Variants in TRAF3 observed in about 807,000 individuals in gnomAD.
TRAF3 encodes the protein TNF receptor-associated factor 3.
Under a neutral mutation model 62.3 loss-of-function variants are expected in TRAF3, and 13 were observed. That is an observed-to-expected ratio of 0.21 (90% CI 0.14 to 0.33). The LOEUF is 0.33. Among genes scored for constraint, TRAF3 ranks in the 10% least tolerant of loss-of-function variants. The probability of loss-of-function intolerance (pLI) is 1.00; values close to 1 mark genes in which losing one functional copy is unlikely to be tolerated. For synonymous variants in TRAF3, 269 were observed against 283.4 expected (o/e 0.95, Z 0.51); for missense variants, 440 against 741.8 (o/e 0.59, Z 4.73).
intron 1 of TRAF3, among the ~76,000 whole-genome samples, chr14:102,784,559 G>A (rs1248274151): frequency 1.3e-5 from 2 of 152,130 alleles, no homozygotes. Flanking sequence ...GGTCAATTGA[G>A]AATTATTGAA....
At chr14:102,823,745 A>C (rs1900116955) in intron 1 of TRAF3, among the ~76,000 whole-genome samples, 1 of 152,182 alleles carries the variant, frequency 6.6e-6, no homozygotes, top group Non-Finnish European at 1.5e-5. Context: ...ACTTTATTGA[A>C]ATCGTCACAT....
intron 6 of TRAF3, among the ~76,000 whole-genome samples, chr14:102,880,169 G>GT (rs1468792000): frequency 1.3e-5 from 2 of 152,224 alleles, no homozygotes; most frequent in African/African-American, 2.4e-5. Context: ...TAGCAGTAGT[G>GT]TTTTTTTGGA....
chr14:102,885,420 T>C (rs1198562321), intron 6 of TRAF3, among the ~76,000 whole-genome samples: 1 of 152,168 alleles, frequency 6.6e-6, no homozygotes, highest in Non-Finnish European at 1.5e-5. Context: ...TCAGCGTGGC[T>C]CCATCTCTGG....
At chr14:102,862,631 G>A (rs1887747556) in intron 2 of TRAF3, among the ~76,000 whole-genome samples, 2 of 151,958 alleles carry the variant, frequency 1.3e-5, no homozygotes, top group Non-Finnish European at 2.9e-5. Context: ...CGAGCTTCCT[G>A]GTTATGCAGA....
rs1889595610 is a variant in TRAF3 at position 102,889,599 on chromosome 14, A to G, written c.691A>G (p.Thr231Ala). ...HLSECVNAPS[T>A]CSFKRYGCVF... ...GTCAGAGTGTGTCAATGCCCCCAGC[A>G]CCTGTAGTTTTAAGCGCTATGGCTG... is the stretch of plus-strand genomic sequence containing the variant. Residue 231 changes from threonine to alanine, a missense_variant, in exon 8 of 12, where the codon ACC becomes GCC. This residue lies in a region of TRAF3 where 255 missense variants were observed against 424.1 expected (regional missense o/e 0.60). Transcript: ENST00000392745. 1.9e-6 allele frequency: 3 copies of G among 1,614,110 alleles called. No individual in the cohort carries two copies. Among genetic ancestry groups the G allele is most frequent in the Non-Finnish European group, 2.5e-6 (3 of 1,180,056 alleles).
chr14:102,910,047 A>C lies in TRAF3; in HGVS notation c.*4263A>C, dbSNP rs1890784130. On this transcript the variant is annotated 3_prime_UTR_variant, in exon 12 of 12. Transcript: ENST00000392745. ...GGCTGACACCTCCTTTCTCCCCTGCACGGGGAGGATTGGCCTGAGGACCGT... is the reference window on the plus strand; with the variant it reads ...GGCTGACACCTCCTTTCTCCCCTGCCCGGGGAGGATTGGCCTGAGGACCGT... 6.6e-6 allele frequency: 1 copy of C among 152,200 alleles called. No individual in the cohort carries two copies. The highest frequency in any genetic ancestry group is 2.1e-4 in the South Asian group (1 of 4,828). The allele number at this position is 152,200 out of a possible 1,614,324, so 9.4% of individuals were successfully genotyped here.
chr14:102,862,999 A>G (rs1566781619), intron 2 of TRAF3, among the ~76,000 whole-genome samples: 1 of 152,138 alleles, frequency 6.6e-6, no homozygotes, highest in Non-Finnish European at 1.5e-5. Context: ...ATTCAGTGAG[A>G]CATTGTTCTG....
intron 2 of TRAF3, among the ~76,000 whole-genome samples, chr14:102,847,073 T>TA (rs913662399): frequency 3.3e-5 from 5 of 152,352 alleles, no homozygotes; most frequent in African/African-American, 4.8e-5. Context: ...CATGTTCCAT[T>TA]AAAAAAATGT....
At chr14:102,885,140 T>G (rs1027505047) in intron 6 of TRAF3, among the ~76,000 whole-genome samples, 1 of 152,154 alleles carries the variant, frequency 6.6e-6, no homozygotes, top group Admixed American at 6.5e-5. Flanking sequence ...AGTTGGGCCT[T>G]AGAAACATGC....
chr14:102,777,888 C>T (rs932893113), intron 1 of TRAF3, among the ~76,000 whole-genome samples: 19 of 149,126 alleles, frequency 1.3e-4, no homozygotes, highest in African/African-American at 3.4e-4. Flanking sequence ...CCTCCCGCCT[C>T]CGGACGCCTC....
chr14:102,819,413 C>A (rs1011270419), intron 1 of TRAF3, among the ~76,000 whole-genome samples: 9 of 152,220 alleles, frequency 5.9e-5, no homozygotes, highest in African/African-American at 2.2e-4. Flanking sequence ...TCCATGAGGG[C>A]AGGCACGGCA....
chr14:102,850,693 A>G (rs1415057105), intron 2 of TRAF3, among the ~76,000 whole-genome samples: 1 of 150,960 alleles, frequency 6.6e-6, no homozygotes, highest in Admixed American at 6.6e-5. Flanking sequence ...CCGTCTAAAA[A>G]AAAAAAAAAA....
intron 2 of TRAF3, among the ~76,000 whole-genome samples, chr14:102,841,284 C>G (rs1886358353): frequency 6.6e-6 from 1 of 152,166 alleles, no homozygotes; most frequent in African/African-American, 2.4e-5. Context: ...GAAGGGCCCC[C>G]TTGAGGCGTT....
intron 1 of TRAF3, among the ~76,000 whole-genome samples, chr14:102,788,672 C>T (rs7143774): frequency 0.026 from 3,944 of 152,284 alleles, 143 homozygotes; most frequent in African/African-American, 0.088. Flanking sequence ...GTGGCGCATG[C>T]CTCTAGTCCC....
At chr14:102,839,535 T>C (rs1425625455) in intron 2 of TRAF3, among the ~76,000 whole-genome samples, 1 of 152,148 alleles carries the variant, frequency 6.6e-6, no homozygotes, top group African/African-American at 2.4e-5. Context: ...TTGCTTTTAG[T>C]TGAATTTGTG....
At chr14:102,890,604 G>T (rs2139940299) in intron 8 of TRAF3, among the ~76,000 whole-genome samples, 1 of 152,226 alleles carries the variant, frequency 6.6e-6, no homozygotes, top group East Asian at 1.9e-4. Context: ...ATGTTTTGGA[G>T]ATCATTAAAA....
At chr14:102,867,523 T>A (rs1344396574) in intron 2 of TRAF3, among the ~76,000 whole-genome samples, 1 of 152,020 alleles carries the variant, frequency 6.6e-6, no homozygotes, top group African/African-American at 2.4e-5. Context: ...GAGGGTGGCC[T>A]CCTGGAGAAG....
At chr14:102,856,764 G>A (rs1184247906) in intron 2 of TRAF3, among the ~76,000 whole-genome samples, 6 of 151,932 alleles carry the variant, frequency 3.9e-5, no homozygotes, top group African/African-American at 1.2e-4. Flanking sequence ...CCTAACAGTC[G>A]TAGAGGGACA....
rs541530755 is a variant in TRAF3, at chr14:102,803,560, G to A, written c.-157+25885G>A. ...TATCTAGGACTATAATGGAGGTTAA[G>A]TTGGCCAGAAGTATAATTTTTTTTT... On this transcript the variant is annotated intron_variant, in intron 1 of 11. Coordinates refer to ENST00000392745, the MANE Select transcript of TRAF3 (RefSeq NM_145725.3). Among the ~76,000 whole-genome samples, 255 of 152,172 alleles carry A rather than the reference G, an allele frequency of 1.7e-3. 1 individual carries two copies. Among genetic ancestry groups the A allele is most frequent in the African/African-American group, 6.0e-3 (250 of 41,512 alleles).
Sources: allele counts gnomAD v4.1 joint callset (sites outside exome capture counted in the v4.1 genomes callset), GRCh38; gene constraint gnomAD v4.1.1; regional missense constraint gnomAD v4.1.1; transcripts MANE v1.5; gene names NCBI Gene and HGNC (gene_info 2026-07-23, HGNC 2026-07-21).